RIC8B: variants seen among roughly 807,000 people sequenced by gnomAD.
The protein encoded by RIC8B is chaperone Ric-8B.
A neutral mutation model predicts 57.5 loss-of-function variants in RIC8B; 16 were observed. The ratio of observed to expected loss-of-function variants is 0.28; its 90% CI spans 0.19 to 0.42. The LOEUF (loss-of-function observed/expected upper bound fraction) is 0.42. Among genes scored for constraint, RIC8B ranks in the 10% least tolerant of loss-of-function variants. The pLI, the probability that RIC8B is intolerant of heterozygous loss-of-function variation, is 1.00. For missense variants in RIC8B, 481 were observed against 677.0 expected, an observed-to-expected ratio of 0.71 and a Z score of 3.21; for synonymous variants, 216 against 250.8, an observed-to-expected ratio of 0.86 and a Z score of 1.31.
chr12:106,856,245 A>G (rs1470296663), intron 7 of RIC8B, among the ~76,000 whole-genome samples: 1 of 152,146 alleles, frequency 6.6e-6, no homozygotes, highest in Non-Finnish European at 1.5e-5. Flanking sequence ...TTTCTCTTCC[A>G]CGTGGTTAAC....
At chr12:106,833,608 G>GA (rs909427857) in intron 4 of RIC8B, among the ~76,000 whole-genome samples, 17 of 148,716 alleles carry the variant, frequency 1.1e-4, no homozygotes, top group Admixed American at 3.3e-4. Context: ...CTCAAAAAAA[G>GA]AAAAAAAAAA....
chr12:106,825,961 A>G (rs1285763946), intron 4 of RIC8B, 141 bp downstream of exon 4: 2 of 604,042 alleles, frequency 3.3e-6, no homozygotes, highest in Non-Finnish European at 6.0e-6. Flanking sequence ...AGAAATCATT[A>G]TCATGGAAAT....
At chr12:106,823,572 T>C (rs1289044015) in intron 3 of RIC8B, 1 of 378,994 alleles carries the variant, frequency 2.6e-6, no homozygotes, top group Non-Finnish European at 5.2e-6. Context: ...AAGGAAAATA[T>C]AATTTAAAGG....
At chr12:106,864,917 C>A (rs1242229142) in intron 8 of RIC8B, among the ~76,000 whole-genome samples, 1 of 152,076 alleles carries the variant, frequency 6.6e-6, no homozygotes, top group Non-Finnish European at 1.5e-5. Flanking sequence ...TACAATATTT[C>A]TCCTTTTGTT....
At chr12:106,845,732 T>C (rs1949158250) in intron 6 of RIC8B, among the ~76,000 whole-genome samples, 1 of 152,220 alleles carries the variant, frequency 6.6e-6, no homozygotes, top group Non-Finnish European at 1.5e-5. Flanking sequence ...TGCAGTGTCC[T>C]CAGAAGAGTT....
intron 2 of RIC8B, among the ~76,000 whole-genome samples, chr12:106,813,187 CTTT>C (rs35584850): frequency 2.0e-5 from 2 of 98,682 alleles, no homozygotes; most frequent in African/African-American, 3.8e-5. Flanking sequence ...AATACTATGC[CTTT>C]TTTTTTTTTT....
rs541846141 is a variant in RIC8B, at chr12:106,781,642, A to G, written c.85-2355A>G. ...CTATTCTGAATTCCCACCTTAAAAG[A>G]TTAATTCTACAGAGGAACTGTTTAA... On this transcript the variant is annotated intron_variant, in intron 1 of 9. Transcript: ENST00000392837. 2.0e-5 allele frequency among the ~76,000 whole-genome samples: 3 copies of G among 152,344 alleles called. No homozygotes were observed. In the South Asian group the frequency reaches 6.2e-4, roughly 32 times the overall value.
Position 106,815,161 on chromosome 12 carries a change from T to C in RIC8B, c.598T>C (p.Phe200Leu). 1 of 1,614,248 alleles carries C rather than the reference T, an allele frequency of 6.2e-7. No individual in the cohort carries two copies. The highest frequency in any genetic ancestry group is 8.5e-7 in the Non-Finnish European group (1 of 1,180,040). The stretch of plus-strand genomic sequence containing the variant: ...GCTAACGCAGATCTTGGAAAGTGCC[T>C]TTAGCATCAAGTGGACCGATGAGTA... ...PLLTQILESA[F>L]SIKWTDEYES... The change falls in exon 3 of 10, where the codon TTT (phenylalanine) becomes CTT (leucine). Residue 200 changes from phenylalanine (F) to leucine (L), a missense_variant. By Grantham distance (22) the Phe-to-Leu change is conservative (BLOSUM62 0). This residue lies in a region of RIC8B where 421 missense variants were observed against 560.9 expected (regional missense o/e 0.75). Transcript: ENST00000392837.
At chr12:106,821,699 A>G (rs1182593150) in intron 3 of RIC8B, among the ~76,000 whole-genome samples, 1 of 152,180 alleles carries the variant, frequency 6.6e-6, no homozygotes, top group Non-Finnish European at 1.5e-5. Context: ...CCAGGAGGAG[A>G]AGATATGTGC....
chr12:106,823,265 C>T (rs1379664087), intron 3 of RIC8B: 1 of 274,106 alleles, frequency 3.6e-6, no homozygotes, highest in Non-Finnish European at 7.4e-6. Flanking sequence ...GGAGAAGATA[C>T]TTTAGCTGAA....
chr12:106,867,351 C>G lies in RIC8B; in HGVS notation c.1452-3472C>G, dbSNP rs1042461412. 4.6e-5 allele frequency among the ~76,000 whole-genome samples: 7 copies of G among 152,096 alleles called. No homozygotes were observed. Among genetic ancestry groups the G allele is most frequent in the Non-Finnish European group, 7.4e-5 (5 of 68,026 alleles). On this transcript the variant is annotated intron_variant, in intron 8 of 9. Coordinates refer to ENST00000392837, the MANE Select transcript of RIC8B (RefSeq NM_001330145.2). This position sits in a 1 kb window ranked among gnomAD's most constrained non-coding sequence, Gnocchi z 4.3. ...CTTCTTGTCACCTAATTGGAAGTCACAAGATTGGAGTGCTACAAAATGGGA... is the reference window on the plus strand; with the variant it reads ...CTTCTTGTCACCTAATTGGAAGTCAGAAGATTGGAGTGCTACAAAATGGGA...
intron 7 of RIC8B, among the ~76,000 whole-genome samples, chr12:106,853,415 A>G (rs1949558961): frequency 8.3e-6 from 1 of 121,208 alleles, no homozygotes; most frequent in African/African-American, 3.2e-5. Context: ...AGCAGATAAT[A>G]TATTTTTAAT....
intron 4 of RIC8B, among the ~76,000 whole-genome samples, chr12:106,835,541 G>A (rs1196760428): frequency 2.0e-5 from 3 of 152,116 alleles, no homozygotes; most frequent in Non-Finnish European, 2.9e-5. Context: ...TTATTTTAGA[G>A]GTAGGACAAG....
At chr12:106,848,808 T>C (rs539092708) in intron 6 of RIC8B, among the ~76,000 whole-genome samples, 2,067 of 152,176 alleles carry the variant, frequency 0.014, 19 homozygotes, top group South Asian at 0.033. Context: ...AGCCTGGAGG[T>C]CAGAAACACG....
At chr12:106,781,351 C>T (rs779344793) in intron 1 of RIC8B, among the ~76,000 whole-genome samples, 8 of 152,142 alleles carry the variant, frequency 5.3e-5, no homozygotes, top group Non-Finnish European at 1.0e-4. Context: ...TCTAGAAATA[C>T]ATGTACAGCT....
rs116052442 is a variant in RIC8B at position 106,820,686 on chromosome 12, A to G, written c.742-5040A>G. Among the ~76,000 whole-genome samples, 1,252 of 152,342 alleles carry G rather than the reference A, an allele frequency of 8.2e-3. 24 individuals carry two copies. The highest frequency in any genetic ancestry group is 0.029 in the African/African-American group (1,195 of 41,566). On this transcript the variant is annotated intron_variant, in intron 3 of 9. Transcript: ENST00000392837. ...CACAGAGAAGTACAAGTATCTGAGTAGTCAAAGGATACCATTTAAATGAGA... is the reference window on the plus strand; with the variant it reads ...CACAGAGAAGTACAAGTATCTGAGTGGTCAAAGGATACCATTTAAATGAGA...
At chr12:106,778,771 T>C (rs2043607296) in intron 1 of RIC8B, among the ~76,000 whole-genome samples, 4 of 152,040 alleles carry the variant, frequency 2.6e-5, no homozygotes, top group African/African-American at 9.7e-5. Context: ...TTTTCAGGAG[T>C]GGTATACTAC....
chr12:106,874,766 A>C (rs1207538850), intron 9 of RIC8B, among the ~76,000 whole-genome samples: 1 of 152,212 alleles, frequency 6.6e-6, no homozygotes, highest in Non-Finnish European at 1.5e-5. Flanking sequence ...TGGAGAGATT[A>C]GTGCTCAGAT....
In RIC8B at chr12:106,887,989, T is replaced by C. The variant is rs1951251228; in HGVS notation, c.*1974T>C. ...AGGTTTTAACCAACAGCAAAAGAAATGGGCAATTCATAATTTTAGATTAAG... is the reference window on the plus strand; with the variant it reads ...AGGTTTTAACCAACAGCAAAAGAAACGGGCAATTCATAATTTTAGATTAAG... On this transcript the variant is annotated 3_prime_UTR_variant, in exon 10 of 10. Transcript: ENST00000392837. 1 of 152,624 alleles carries C rather than the reference T, an allele frequency of 6.6e-6. No homozygotes were observed. The highest frequency in any genetic ancestry group is 1.9e-4 in the East Asian group (1 of 5,204). 9.5% of individuals were successfully genotyped at this position (152,624 alleles called of 1,614,324 possible).
Sources: allele counts gnomAD v4.1 joint callset (sites outside exome capture counted in the v4.1 genomes callset), GRCh38; gene constraint gnomAD v4.1.1; regional missense constraint gnomAD v4.1.1; non-coding constraint Gnocchi (gnomAD v3.1); transcripts MANE v1.5; gene names NCBI Gene and HGNC (gene_info 2026-07-23, HGNC 2026-07-21).